TTLL7: variants seen among roughly 807,000 people sequenced by gnomAD.
TTLL7 encodes tubulin tyrosine ligase like 7.
A neutral mutation model predicts 120.2 loss-of-function variants in TTLL7; 53 were observed. That is an observed-to-expected ratio of 0.44 (90% CI 0.35 to 0.55). TTLL7 has a LOEUF of 0.55. TTLL7 is among the 20% of genes least tolerant of loss of function. TTLL7 has a pLI of 0.00. For synonymous variants in TTLL7, 353 were observed against 351.7 expected, an observed-to-expected ratio of 1.00 and a Z score of -0.04; for missense variants, 803 against 1,054.7, an observed-to-expected ratio of 0.76 and a Z score of 3.31.
chr1:83,888,667 C>T (rs1202638308), intron 19 of TTLL7, among the ~76,000 whole-genome samples: 1 of 151,772 alleles, frequency 6.6e-6, no homozygotes, highest in Non-Finnish European at 1.5e-5. Flanking sequence ...ATCAACAGTT[C>T]AGAGGAAGAA....
At chr1:83,934,638 C>T (rs1647235125) in intron 8 of TTLL7, among the ~76,000 whole-genome samples, 1 of 152,106 alleles carries the variant, frequency 6.6e-6, no homozygotes. Context: ...TCAGAATAAG[C>T]TGTAGGAGAA....
At chr1:83,914,109 A>C (rs896141564) in intron 14 of TTLL7, among the ~76,000 whole-genome samples, 1 of 152,178 alleles carries the variant, frequency 6.6e-6, no homozygotes, top group Non-Finnish European at 1.5e-5. Context: ...TATAGAGCAC[A>C]TAATTCAGAA....
At chr1:83,899,095 T>C (rs1656490331) in intron 18 of TTLL7, among the ~76,000 whole-genome samples, 1 of 151,910 alleles carries the variant, frequency 6.6e-6, no homozygotes, top group East Asian at 1.9e-4. Context: ...TATAAAACTT[T>C]ATAGTAAAGT....
At chr1:83,947,824 T>C (rs1181118974) in intron 5 of TTLL7, among the ~76,000 whole-genome samples, 1 of 152,132 alleles carries the variant, frequency 6.6e-6, no homozygotes, top group Admixed American at 6.5e-5. Flanking sequence ...TATACTACCA[T>C]TTTTTAGAGT....
intron 13 of TTLL7, 150 bp from the exon 14 acceptor site, chr1:83,917,840 C>G (rs1034938362): frequency 3.3e-5 from 20 of 608,990 alleles, no homozygotes; most frequent in Non-Finnish European, 5.5e-5. Flanking sequence ...ATTAAAGGGT[C>G]ACAGCAAATT....
intron 20 of TTLL7, among the ~76,000 whole-genome samples, chr1:83,877,789 T>C (rs1393832157): frequency 1.3e-5 from 2 of 151,886 alleles, no homozygotes; most frequent in African/African-American, 4.8e-5. Flanking sequence ...CTTTTGGCTG[T>C]GTTTATCTTC....
Position 83,904,153 on chromosome 1 carries a change from C to T in TTLL7, c.2134G>A (p.Asp712Asn), listed in dbSNP as rs1051945911. 6.2e-7 allele frequency: 1 copy of T among 1,610,816 alleles called. No individual in the cohort carries two copies. Among genetic ancestry groups the T allele is most frequent in the Non-Finnish European group, 8.5e-7 (1 of 1,178,246 alleles). Residue 712 changes from aspartate to asparagine, a missense_variant, in exon 18 of 21, where the codon GAT becomes AAT. By Grantham distance (23) the Asp-to-Asn change is conservative. Transcript: ENST00000260505. Reference sequence around the variant, plus strand: ...TTGGTTTTATGATACTTCCAGTTATCAATGATCTGTTTGGAAGGAGGAACA... The same window carrying T: ...TTGGTTTTATGATACTTCCAGTTATTAATGATCTGTTTGGAAGGAGGAACA... ...ESELLIEDII[D>N]NWKYHKTKVA...
intron 15 of TTLL7, among the ~76,000 whole-genome samples, chr1:83,908,656 TA>T (rs1212168765): frequency 6.6e-6 from 1 of 152,038 alleles, no homozygotes; most frequent in Non-Finnish European, 1.5e-5. Context: ...CACTCAATAC[TA>T]TCAATATTTT....
At chr1:83,883,882 C>T (rs1654735804) in intron 19 of TTLL7, among the ~76,000 whole-genome samples, 1 of 151,906 alleles carries the variant, frequency 6.6e-6, no homozygotes, top group African/African-American at 2.4e-5. Context: ...TCCTAGAGCA[C>T]AGGTTCTGTG....
chr1:83,985,829 T>TA (rs1652390975), intron 1 of TTLL7, among the ~76,000 whole-genome samples: 1 of 152,224 alleles, frequency 6.6e-6, no homozygotes, highest in Admixed American at 6.5e-5. Flanking sequence ...ATCAATTTCT[T>TA]AAAAAAACAC....
intron 1 of TTLL7, among the ~76,000 whole-genome samples, chr1:83,962,770 C>T (rs1464672880): frequency 6.6e-6 from 1 of 152,104 alleles, no homozygotes; most frequent in African/African-American, 2.4e-5. Context: ...ATTTGCTTCT[C>T]TTCCTTCCAA....
intron 8 of TTLL7, 68 bp downstream of exon 8, chr1:83,937,784 T>C (rs763618697): frequency 7.0e-6 from 11 of 1,573,802 alleles, no homozygotes; most frequent in African/African-American, 1.3e-5. Flanking sequence ...TGAACTTTCA[T>C]GGCCTGACAA....
chr1:83,865,671 C>T lies in TTLL7; in HGVS notation c.*4291G>A, dbSNP rs1432740124. The stretch of plus-strand genomic sequence containing the variant: ...TCCAGACAATAAACGCTTTTTTAGG[C>T]ATAGAGGCTTCAACCTGGTTCTTAA... On this transcript the variant is annotated 3_prime_UTR_variant, in exon 21 of 21. Transcript: ENST00000260505. 6.6e-6 allele frequency: 1 copy of T among 151,918 alleles called. No homozygotes were observed. Among genetic ancestry groups the T allele is most frequent in the African/African-American group, 2.4e-5 (1 of 41,404 alleles). 9.4% of individuals were successfully genotyped at this position (151,918 alleles called of 1,614,324 possible).
At chr1:83,929,833 C>T (rs1406845370) in intron 9 of TTLL7, among the ~76,000 whole-genome samples, 8 of 152,024 alleles carry the variant, frequency 5.3e-5, no homozygotes. Context: ...ATTTCTTAAT[C>T]AGTTAAATCG....
At position 83,967,332 on chromosome 1, in the gene TTLL7, GAA is replaced by G. The variant is rs1398994287; in HGVS notation, c.-176-14947_-176-14946del. ...AACTATGCCAACAGTTCTCAAACTT[GAA>G]TGTGCACAAGAATTTCCTGGAGAAT... On this transcript the variant is annotated intron_variant, in intron 1 of 20. Coordinates refer to ENST00000260505, the MANE Select transcript of TTLL7 (RefSeq NM_024686.6). 7.5e-5 allele frequency among the ~76,000 whole-genome samples: 4 copies of G among 53,274 alleles called. No individual in the cohort carries two copies. The East Asian group carries it at 1.5e-3, about 20-fold the overall frequency. 34.9% of individuals were successfully genotyped at this position (53,274 alleles called of 152,430 possible). A position where few individuals can be genotyped will look rare whatever the true frequency, so the allele number is the denominator to read the frequency against.
chr1:83,904,232 G>A (rs1261769102), intron 17 of TTLL7, 73 bp from the exon 18 acceptor site: 7 of 1,136,196 alleles, frequency 6.2e-6, no homozygotes, highest in Non-Finnish European at 7.8e-6. Context: ...TGTAATGAAA[G>A]CACTATAATA....
In TTLL7 at chr1:83,929,102, G is replaced by T. The variant is rs1238974247; in HGVS notation, c.1142+34C>A. On this transcript the variant is annotated intron_variant, in intron 10 of 20. Transcript: ENST00000260505. ...ATGATTAATCTATGTCAAATGTGGA[G>T]ATAAATGTCCAAAAGATAGAGAGAG... 7.1e-6 allele frequency: 10 copies of T among 1,406,588 alleles called. No homozygotes were observed. In the African/African-American group the frequency reaches 7.2e-5, roughly 10 times the overall value. The allele number at this position is 1,406,588 out of a possible 1,614,324, so 87.1% of individuals were successfully genotyped here.
At position 83,998,544 on chromosome 1, in the gene TTLL7, A is replaced by G. The variant is rs189994954; in HGVS notation, c.-177+387T>C. ...TGATACCCTTTCAAGAATGCCCCGC[A>G]TACTCGCGGAGGCTTATACCACGAT... On this transcript the variant is annotated intron_variant, in intron 1 of 20. Coordinates refer to ENST00000260505, the MANE Select transcript of TTLL7 (RefSeq NM_024686.6). 9.8e-5 allele frequency among the ~76,000 whole-genome samples: 15 copies of G among 152,354 alleles called. 1 individual carries two copies. Among genetic ancestry groups the G allele is most frequent in the Admixed American group, 3.3e-4 (5 of 15,308 alleles).
intron 19 of TTLL7, chr1:83,890,056 CTTCAAGGATA>C: frequency 6.3e-6 from 1 of 158,106 alleles, no homozygotes; most frequent in Non-Finnish European, 1.6e-5. Flanking sequence ...TGCAGAAGAA[CTTCAAGGATA>C]TTGGTTTGTA....
Sources: gnomAD v4.1 joint callset for allele counts (sites outside exome capture counted in the v4.1 genomes callset) on GRCh38, gnomAD v4.1.1 for gene constraint, MANE v1.5 for transcripts, NCBI Gene and HGNC (gene_info 2026-07-23, HGNC 2026-07-21) for gene names.